OGDHL: variants seen among roughly 807,000 people sequenced by gnomAD.
OGDHL encodes 2-oxoglutarate dehydrogenase-like, mitochondrial.
Under a neutral mutation model 109.6 loss-of-function variants are expected in OGDHL, and 79 were observed. That is an observed-to-expected ratio of 0.72 (90% CI 0.60 to 0.87). OGDHL has a LOEUF of 0.87. Among genes scored for constraint, OGDHL ranks in the 40% least tolerant of loss-of-function variants. OGDHL has a pLI of 0.00. For synonymous variants in OGDHL, 528 were observed against 537.2 expected (o/e 0.98, Z 0.24); for missense variants, 1,275 against 1,362.2 (o/e 0.94, Z 1.01).
In OGDHL at chr10:49,735,117, C is replaced by T. The variant is rs562292756; in HGVS notation, c.*111G>A. 108 of 1,426,696 alleles carry T rather than the reference C, an allele frequency of 7.6e-5. 1 individual carries two copies. In the South Asian group the frequency reaches 1.3e-3, roughly 17 times the overall value. The allele number at this position is 1,426,696 out of a possible 1,614,324, so 88.4% of individuals were successfully genotyped here. On this transcript the variant is annotated 3_prime_UTR_variant, in exon 23 of 23. Coordinates refer to ENST00000374103, the MANE Select transcript of OGDHL (RefSeq NM_018245.3). ...GGCCCTGTCACTGTGTCTGTTTTAT[C>T]CTGGGGCCCCACAGCCCCTCTCCTG...
At chr10:49,749,046 T>C (rs2133050445) in intron 8 of OGDHL, among the ~76,000 whole-genome samples, 1 of 152,112 alleles carries the variant, frequency 6.6e-6, no homozygotes, top group Non-Finnish European at 1.5e-5. Flanking sequence ...CCATCTCTAC[T>C]AAAAATACAA....
At chr10:49,744,803 G>T in intron 12 of OGDHL, 51 bp from the exon 13 acceptor site, 1 of 1,472,624 alleles carries the variant, frequency 6.8e-7, no homozygotes, top group Non-Finnish European at 9.5e-7. Context: ...TGCGCAGCCA[G>T]ACGCCCAGTC....
chr10:49,748,768 ACACAC>A (rs1842382509), intron 8 of OGDHL, among the ~76,000 whole-genome samples: 2 of 151,618 alleles, frequency 1.3e-5, no homozygotes, highest in Non-Finnish European at 2.9e-5. Context: ...ACACACACAC[ACACAC>A]ACACACACAC....
intron 15 of OGDHL, among the ~76,000 whole-genome samples, chr10:49,741,162 C>T (rs534508434): frequency 1.3e-5 from 2 of 152,104 alleles, no homozygotes; most frequent in Non-Finnish European, 1.5e-5. Flanking sequence ...TAAAGGGGAC[C>T]TGATAAGACA....
chr10:49,749,562 C>T (rs1418508182), intron 8 of OGDHL, among the ~76,000 whole-genome samples, 164 bp downstream of exon 8: 1 of 152,134 alleles, frequency 6.6e-6, no homozygotes, highest in Non-Finnish European at 1.5e-5. Context: ...TCCAAAAAGC[C>T]TTAGGGTCCT....
rs2293239 is a variant in OGDHL, at chr10:49,739,806, T to C, written c.2174A>G (p.Asn725Ser). 566 of 1,614,128 alleles carry C rather than the reference T, an allele frequency of 3.5e-4. 6 individuals are homozygous for C. The East Asian group carries it at 0.012, about 33-fold the overall frequency. Residue 725 changes from asparagine (N) to serine (S), a missense_variant, in exon 17 of 23, where the codon AAT becomes AGT. Coordinates refer to ENST00000374103, the MANE Select transcript of OGDHL (RefSeq NM_018245.3). ...FELGYAMASP[N>S]ALVLWEAQFG... ...CTGGGCCTCCCAGAGGACCAGGGCA[T>C]TGGGGCTGGCCATGGCATAGCCCAG...
intron 11 of OGDHL, 56 bp downstream of exon 11, chr10:49,745,742 C>T: frequency 6.3e-7 from 1 of 1,576,168 alleles, no homozygotes; most frequent in Admixed American, 1.7e-5. Flanking sequence ...ATGGCTGGCT[C>T]AGCACAGCAG....
In OGDHL at chr10:49,751,871, G is replaced by C. The variant is rs149339959; in HGVS notation, c.705C>G (p.Ser235Arg). Residue 235 changes from serine (S) to arginine (R), a missense_variant, in exon 6 of 23, where the codon AGC (serine) becomes AGG (arginine). Transcript: ENST00000374103. ...GGGCCAGCAGGGTCCGCTTCTCCTC[G>C]CTGGAGAACTGCATCACACCAGGGG... ...FETPGVMQFS[S>R]EEKRTLLARL... is the part of the protein sequence containing the mutation. 6.2e-7 allele frequency: 1 copy of C among 1,613,990 alleles called. No homozygotes were observed. Among genetic ancestry groups the C allele is most frequent in the African/African-American group, 1.3e-5 (1 of 74,918 alleles).
intron 3 of OGDHL, among the ~76,000 whole-genome samples, chr10:49,754,568 A>G (rs1024958518): frequency 6.6e-6 from 1 of 152,190 alleles, no homozygotes; most frequent in Non-Finnish European, 1.5e-5. Context: ...CAGAATTGGC[A>G]TATCACCATT....
intron 2 of OGDHL, among the ~76,000 whole-genome samples, chr10:49,757,229 C>T (rs1458467877): frequency 3.3e-5 from 5 of 152,206 alleles, no homozygotes; most frequent in Non-Finnish European, 7.3e-5. Context: ...AAGGTGCTTT[C>T]AGTATTGTGG....
Position 49,736,408 on chromosome 10 carries a change from C to T in OGDHL, c.2703G>A (p.Glu901=). The T allele has an allele frequency of 1.2e-6, 2 of 1,614,184 alleles. No individual in the cohort carries two copies. The highest frequency in any genetic ancestry group is 1.7e-6 in the Non-Finnish European group (2 of 1,180,040). ...TGKVYYDLVK[E]RSSQDLEEKV... is the part of the protein sequence containing the mutation. ...TCTCCTCCAGGTCCTGGCTGCTCCG[C>T]TCCTTCACCAGGTCATAGTACACCT... The change falls in exon 21 of 23, where the codon GAG becomes GAA. Residue 901 remains glutamate (E), a synonymous_variant. Coordinates refer to ENST00000374103, the MANE Select transcript of OGDHL (RefSeq NM_018245.3).
At position 49,739,687 on chromosome 10, in the gene OGDHL, G is replaced by A. The variant is rs756119926; in HGVS notation, c.2293C>T (p.Leu765=). 11 of 1,613,818 alleles carry A rather than the reference G, an allele frequency of 6.8e-6. No homozygotes were observed. The highest frequency in any genetic ancestry group is 3.3e-5 in the South Asian group (3 of 91,034). Reference sequence around the variant, plus strand: ...ATGCCTTCCATGCCATGGGGCAGCAGCAGCACAATGCCATTATGCCGCACC... The same window carrying A: ...ATGCCTTCCATGCCATGGGGCAGCAACAGCACAATGCCATTATGCCGCACC... ...KWVRHNGIVL[L]LPHGMEGMGP... The change falls in exon 17 of 23, where the codon CTG becomes TTG. Residue 765 remains leucine (L), a synonymous_variant. Coordinates refer to ENST00000374103, the MANE Select transcript of OGDHL (RefSeq NM_018245.3).
chr10:49,742,714 G>A, intron 15 of OGDHL, 114 bp downstream of exon 15: 21 of 1,355,268 alleles, frequency 1.5e-5, no homozygotes, highest in Non-Finnish European at 2.1e-5. Context: ...TGAGGGCAGG[G>A]GCTAGGGATG....
At position 49,740,597 on chromosome 10, in the gene OGDHL, G is replaced by A; in HGVS notation, c.2140+113C>T. ...CCATCCCCCAGGGCCATCCCCTAAG[G>A]GCCTCTGAGCATCTCTCGCCCCTCC... On this transcript the variant is annotated intron_variant, in intron 16 of 22. Transcript: ENST00000374103. The A allele has an allele frequency of 7.6e-6, 10 of 1,319,760 alleles. No homozygotes were observed. The South Asian group carries it at 1.5e-4, about 20-fold the overall frequency. 81.8% of individuals were successfully genotyped at this position (1,319,760 alleles called of 1,614,324 possible).
chr10:49,741,646 A>C (rs946551631), intron 15 of OGDHL, among the ~76,000 whole-genome samples: 2 of 151,756 alleles, frequency 1.3e-5, no homozygotes, highest in African/African-American at 4.8e-5. Flanking sequence ...ACACACACAC[A>C]CCACACACAT....
intron 22 of OGDHL, 43 bp from the exon 23 acceptor site, chr10:49,735,394 C>T (rs756992575): frequency 1.1e-5 from 18 of 1,597,120 alleles, no homozygotes; most frequent in South Asian, 2.3e-5. Flanking sequence ...GGGGCCTAGC[C>T]GCCCCCCAAC....
Position 49,734,907 on chromosome 10 carries a change from G to C in OGDHL, c.*321C>G, listed in dbSNP as rs553161215. The C allele has an allele frequency of 6.2e-4, 123 of 197,434 alleles. No homozygotes were observed. The highest frequency in any genetic ancestry group is 4.5e-4 in the Non-Finnish European group (44 of 98,296). The allele number at this position is 197,434 out of a possible 1,614,324, so 12.2% of individuals were successfully genotyped here. A position where few individuals can be genotyped will look rare whatever the true frequency, so the allele number is the denominator to read the frequency against. On this transcript the variant is annotated 3_prime_UTR_variant, in exon 23 of 23. Coordinates refer to ENST00000374103, the MANE Select transcript of OGDHL (RefSeq NM_018245.3). ...CAGCCAGGGCTGCCGGGATGGGAGC[G>C]GCCACAGACACAGGCCCCCGGGTGT...
intron 3 of OGDHL, among the ~76,000 whole-genome samples, chr10:49,753,231 C>T (rs755839123): frequency 6.6e-6 from 1 of 151,812 alleles, no homozygotes; most frequent in Non-Finnish European, 1.5e-5. Context: ...AAAAAGGAGA[C>T]ACAAATAAAT....
At position 49,749,759 on chromosome 10, in the gene OGDHL, G is replaced by A. The variant is rs1315406188; in HGVS notation, c.954C>T (p.Cys318=). The A allele has an allele frequency of 1.2e-6, 2 of 1,600,666 alleles. No individual in the cohort carries two copies. The highest frequency in any genetic ancestry group is 1.7e-5 in the Admixed American group (1 of 59,316). ...CCGCCTCCAGCTTGGGGTCAAACTG[G>A]CAGAAGATCTGCTCCAGGTCCTTGC... ...VIRKDLEQIF[C]QFDPKLEAAD... The change falls in exon 8 of 23, where the codon TGC becomes TGT. Residue 318 remains cysteine, a synonymous_variant. Transcript: ENST00000374103.
Sources: allele counts gnomAD v4.1 joint callset (sites outside exome capture counted in the v4.1 genomes callset), GRCh38; gene constraint gnomAD v4.1.1; transcripts MANE v1.5; gene names NCBI Gene and HGNC (gene_info 2026-07-23, HGNC 2026-07-21).